CDC14A: variants seen among roughly 807,000 people sequenced by gnomAD.
CDC14A encodes the protein cell division cycle 14A.
In CDC14A, 53 loss-of-function variants were observed where a neutral mutation model predicts 74.4. The observed-to-expected ratio is 0.71, with a 90% CI of 0.57 to 0.89. The LOEUF is 0.89. CDC14A is among the 40% of genes least tolerant of loss of function. The pLI is 0.00. For synonymous variants in CDC14A, 247 were observed against 258.4 expected, an observed-to-expected ratio of 0.96 and a Z score of 0.43; for missense variants, 646 against 713.7, an observed-to-expected ratio of 0.91 and a Z score of 1.08.
upstream of CDC14A, chr1:100,351,828 A>G (rs28361189): frequency 0.17 from 254,011 of 1,536,204 alleles, 23,185 homozygotes; most frequent in Non-Finnish European, 0.18. Context: ...GAGGAAACCA[A>G]TACATGTACT....
intron 15 of CDC14A, among the ~76,000 whole-genome samples, chr1:100,507,060 T>C (rs1404355551): frequency 1.3e-5 from 2 of 152,244 alleles, no homozygotes; most frequent in South Asian, 4.1e-4. Flanking sequence ...AATAAAGCTA[T>C]AGCTAATATT....
At chr1:100,352,442 G>C, upstream of CDC14A, 4 of 1,006,954 alleles carry the variant, frequency 4.0e-6, no homozygotes, top group Non-Finnish European at 4.7e-6. Context: ...GTCTGGGGGC[G>C]GACCCAGGGG....
chr1:100,518,148 T>G lies in CDC14A; in HGVS notation c.1756-103T>G. 3 of 802,270 alleles carry G rather than the reference T, an allele frequency of 3.7e-6. No homozygotes were observed. The Admixed American group carries it at 6.2e-5, about 17-fold the overall frequency. 49.7% of individuals were successfully genotyped at this position (802,270 alleles called of 1,614,324 possible). A position where few individuals can be genotyped will look rare whatever the true frequency, so the allele number is the denominator to read the frequency against. On this transcript the variant is annotated intron_variant, in intron 15 of 15. Coordinates refer to ENST00000336454, the MANE Select transcript of CDC14A (RefSeq NM_003672.4). ...TTCTGTTTTGGCTTAGTTTATTTCA[T>G]TGATCTCTAAGCTGTCTTGTGTGGA...
At chr1:100,457,349 G>A (rs1216471087) in intron 8 of CDC14A, among the ~76,000 whole-genome samples, 22 of 151,970 alleles carry the variant, frequency 1.4e-4, no homozygotes, top group African/African-American at 7.3e-5. Flanking sequence ...AACATATCAC[G>A]ACTTCTTTTT....
In CDC14A at chr1:100,352,744, A is replaced by T. The variant is rs1026812572; in HGVS notation, c.-211A>T. 9 of 1,396,738 alleles carry T rather than the reference A, an allele frequency of 6.4e-6. No homozygotes were observed. Among genetic ancestry groups the T allele is most frequent in the Non-Finnish European group, 1.9e-6 (2 of 1,080,530 alleles). The allele number at this position is 1,396,738 out of a possible 1,614,324, so 86.5% of individuals were successfully genotyped here. On this transcript the variant is annotated 5_prime_UTR_variant, in exon 1 of 16. Transcript: ENST00000336454. ...CCAGGGGCGTGAGCGCCCCGCGCGG[A>T]GCGAGCTCGGGTTCCCCTCGGAATG...
At chr1:100,370,267 A>ACAT (rs1386487263) in intron 2 of CDC14A, among the ~76,000 whole-genome samples, 2 of 150,324 alleles carry the variant, frequency 1.3e-5, no homozygotes, top group Non-Finnish European at 3.0e-5. Flanking sequence ...TATAGGCATG[A>ACAT]GCCACTGCAC....
At chr1:100,473,885 G>A (rs1191068480) in intron 10 of CDC14A, among the ~76,000 whole-genome samples, 2 of 152,166 alleles carry the variant, frequency 1.3e-5, no homozygotes, top group African/African-American at 4.8e-5. Context: ...CCAGCGCTGT[G>A]ATGAGTAAGA....
At chr1:100,384,636 C>T (rs985536535) in intron 3 of CDC14A, among the ~76,000 whole-genome samples, 7 of 152,222 alleles carry the variant, frequency 4.6e-5, no homozygotes, top group Non-Finnish European at 4.4e-5. Context: ...GAACCTTCTT[C>T]AGCCGCAGTA....
intron 1 of CDC14A, 88 bp downstream of exon 1, chr1:100,353,091 C>T: frequency 7.0e-7 from 1 of 1,426,810 alleles, no homozygotes; most frequent in South Asian, 1.2e-5. Flanking sequence ...TCTCCTGAGG[C>T]TGCCAGTGTC....
intron 3 of CDC14A, among the ~76,000 whole-genome samples, chr1:100,385,845 C>T (rs757403251): frequency 4.6e-4 from 70 of 152,030 alleles, no homozygotes; most frequent in Non-Finnish European, 1.6e-4. Context: ...GCTGTTGTTG[C>T]GGTTATTATA....
rs554166560 is a variant in CDC14A at position 100,468,074 on chromosome 1, C to G, written c.957C>G (p.Pro319=). The change falls in exon 10 of 16, where the codon CCC becomes CCG. Residue 319 remains proline (P), a synonymous_variant. Transcript: ENST00000336454. ...RICRPGSIIG[P]QQHFLEEKQA... Reference sequence around the variant, plus strand: ...GCCGGCCAGGCTCTATTATAGGACCCCAGCAGCACTTCCTGGAAGAGTAAG... The same window carrying G: ...GCCGGCCAGGCTCTATTATAGGACCGCAGCAGCACTTCCTGGAAGAGTAAG... 5.6e-6 allele frequency: 9 copies of G among 1,613,662 alleles called. No homozygotes were observed. Among genetic ancestry groups the G allele is most frequent in the Non-Finnish European group, 7.6e-6 (9 of 1,179,830 alleles).
rs574376569 is a variant in CDC14A at position 100,493,197 on chromosome 1, C to T, written c.1138-1621C>T. On this transcript the variant is annotated intron_variant, in intron 11 of 15. Coordinates refer to ENST00000336454, the MANE Select transcript of CDC14A (RefSeq NM_003672.4). ...CCTCCTAGTTGGAGGAACAAATAAG[C>T]TTTCCTGGTACAAAAGCACCCAGTT... Among the ~76,000 whole-genome samples, 83 of 152,312 alleles carry T rather than the reference C, an allele frequency of 5.4e-4. 2 individuals carry two copies. In the Middle Eastern group the frequency reaches 0.051, roughly 94 times the overall value.
rs115795645 is a variant in CDC14A at position 100,416,891 on chromosome 1, G to A, written c.310-7331G>A. ...AGAGGGTTAGTTTCATGCCACTAAT[G>A]GGGAAAGAACCTGTGTCTATGTCAT... On this transcript the variant is annotated intron_variant, in intron 4 of 15. Transcript: ENST00000336454. 3.7e-3 allele frequency among the ~76,000 whole-genome samples: 568 copies of A among 152,234 alleles called. 4 individuals carry two copies. The highest frequency in any genetic ancestry group is 0.013 in the African/African-American group (544 of 41,532).
intron 8 of CDC14A, among the ~76,000 whole-genome samples, chr1:100,456,907 C>A (rs1169402906): frequency 6.6e-6 from 1 of 152,146 alleles, no homozygotes; most frequent in Admixed American, 6.5e-5. Context: ...TATAAGCTTG[C>A]TAAATAATCT....
chr1:100,408,912 C>T (rs532707245), intron 4 of CDC14A, among the ~76,000 whole-genome samples: 49 of 152,256 alleles, frequency 3.2e-4, no homozygotes, highest in Admixed American at 3.1e-3. Flanking sequence ...CTGTAGTCAT[C>T]CTACAGTGGT....
chr1:100,399,645 G>A (rs377507170), intron 4 of CDC14A, among the ~76,000 whole-genome samples: 2 of 152,070 alleles, frequency 1.3e-5, no homozygotes, highest in Non-Finnish European at 1.5e-5. Context: ...AAAACTTTGT[G>A]TTTTTATATT....
Position 100,431,938 on chromosome 1 carries a change from G to A in CDC14A, c.389+7637G>A, listed in dbSNP as rs559209317. ...GTACAGGTCTTGGTCTGTTTTTCTG[G>A]TGTTATTGCTAGTTCTAGACAGATT... On this transcript the variant is annotated intron_variant, in intron 5 of 15. Transcript: ENST00000336454. Among the ~76,000 whole-genome samples the A allele has an allele frequency of 9.2e-5, 14 of 152,136 alleles. 1 individual carries two copies. In the South Asian group the frequency reaches 2.5e-3, roughly 27 times the overall value.
At chr1:100,410,097 A>G (rs1435243992) in intron 4 of CDC14A, among the ~76,000 whole-genome samples, 1 of 152,054 alleles carries the variant, frequency 6.6e-6, no homozygotes, top group Non-Finnish European at 1.5e-5. Context: ...CTGTAGTCTC[A>G]GCTACTTGGG....
chr1:100,500,811 AGTGTGTGTGTGTGTGTGTGTGTGTGT>A (rs58424420), intron 15 of CDC14A, among the ~76,000 whole-genome samples: 2 of 131,250 alleles, frequency 1.5e-5, no homozygotes, highest in Non-Finnish European at 1.6e-5. Flanking sequence ...ATGAGAATGC[AGTGTGTGTGTGTGTGTGTGTGTGTGT>A]GTGTGTGTGT....
Sources: gnomAD v4.1 joint callset for allele counts (sites outside exome capture counted in the v4.1 genomes callset) on GRCh38, gnomAD v4.1.1 for gene constraint, MANE v1.5 for transcripts, NCBI Gene and HGNC (gene_info 2026-07-23, HGNC 2026-07-21) for gene names.